The following MSRA variants were observed in gnomAD, a reference collection of about 807,000 sequenced individuals.
The protein encoded by MSRA is methionine sulfoxide reductase A.
MSRA carries 54 observed loss-of-function variants against 31.3 expected under a neutral mutation model. That is an observed-to-expected ratio of 1.73 (90% CI 1.39 to 2.17). MSRA has a LOEUF of 2.17. MSRA is among the 30% of genes most tolerant of loss of function. MSRA has a pLI of 0.00. For synonymous variants in MSRA, 169 were observed against 116.5 expected, an observed-to-expected ratio of 1.45 and a Z score of -2.90; for missense variants, 507 against 300.9, an observed-to-expected ratio of 1.69 and a Z score of -5.07.
intron 2 of MSRA, among the ~76,000 whole-genome samples, chr8:10,224,967 A>G (rs941181541): frequency 3.9e-4 from 60 of 152,144 alleles, no homozygotes; most frequent in African/African-American, 1.4e-3. Flanking sequence ...GGCAAAACCC[A>G]TCTCTACTAT....
chr8:10,399,090 C>G (rs1807282327), intron 5 of MSRA, among the ~76,000 whole-genome samples: 1 of 152,322 alleles, frequency 6.6e-6, no homozygotes, highest in Non-Finnish European at 1.5e-5. Context: ...ATGGAATTTT[C>G]CAAAGGCTGC....
intron 5 of MSRA, among the ~76,000 whole-genome samples, chr8:10,334,204 G>C (rs913539587): frequency 1.4e-5 from 2 of 144,522 alleles, no homozygotes; most frequent in African/African-American, 4.9e-5. Flanking sequence ...GTGTGTGTGT[G>C]TGTGTGTGTG....
At chr8:10,306,467 C>T (rs1188306275) in intron 4 of MSRA, among the ~76,000 whole-genome samples, 2 of 152,010 alleles carry the variant, frequency 1.3e-5, no homozygotes, top group African/African-American at 2.4e-5. Flanking sequence ...TATTTACCCT[C>T]CATCTACTAA....
At chr8:10,126,837 C>T (rs1015544735) in intron 1 of MSRA, among the ~76,000 whole-genome samples, 7 of 152,156 alleles carry the variant, frequency 4.6e-5, no homozygotes, top group Admixed American at 1.3e-4. Flanking sequence ...GGAGTGCACA[C>T]GTGCTTAGAT....
chr8:10,291,484 G>GGC (rs149044615), intron 3 of MSRA, among the ~76,000 whole-genome samples: 2,050 of 151,998 alleles, frequency 0.013, 49 homozygotes, highest in African/African-American at 0.046. Context: ...AACTCCACAG[G>GGC]GCATCCAATT....
intron 1 of MSRA, 131 bp downstream of exon 1, chr8:10,054,789 C>T (rs1208458862): frequency 1.6e-5 from 17 of 1,084,316 alleles, no homozygotes; most frequent in South Asian, 3.9e-5. Context: ...TGGGGGTCTG[C>T]GCAGGCGCGA....
intron 1 of MSRA, among the ~76,000 whole-genome samples, chr8:10,198,298 A>G (rs1348016676): frequency 6.9e-6 from 1 of 145,020 alleles, no homozygotes; most frequent in Non-Finnish European, 1.5e-5. Context: ...TCTTTACTTG[A>G]GGAGGATACT....
chr8:10,170,421 AG>A (rs1343765671), intron 1 of MSRA, among the ~76,000 whole-genome samples: 1 of 152,182 alleles, frequency 6.6e-6, no homozygotes, highest in Non-Finnish European at 1.5e-5. Flanking sequence ...ATTAGGAAGC[AG>A]GTCCTCAGCA....
intron 1 of MSRA, among the ~76,000 whole-genome samples, chr8:10,079,716 C>G (rs1265934206): frequency 6.6e-6 from 1 of 152,174 alleles, no homozygotes; most frequent in South Asian, 2.1e-4. Context: ...TCTTGGCTAT[C>G]CAGTCATGCC....
chr8:10,182,641 G>T (rs28405923), intron 1 of MSRA, among the ~76,000 whole-genome samples: 1 of 152,126 alleles, frequency 6.6e-6, no homozygotes, highest in African/African-American at 2.4e-5. Flanking sequence ...CAAGCATGCG[G>T]TGTGTGATCA....
At chr8:10,236,003 T>C (rs1811903176) in intron 2 of MSRA, among the ~76,000 whole-genome samples, 1 of 152,198 alleles carries the variant, frequency 6.6e-6, no homozygotes, top group African/African-American at 2.4e-5. Context: ...TGTAATATAC[T>C]ACCTTAAGAG....
intron 5 of MSRA, among the ~76,000 whole-genome samples, chr8:10,325,794 A>G (rs1802328867): frequency 6.6e-6 from 1 of 152,176 alleles, no homozygotes. Flanking sequence ...TCACTGAGGG[A>G]AGGAGAGCAG....
intron 1 of MSRA, among the ~76,000 whole-genome samples, chr8:10,190,922 A>G (rs934958478): frequency 2.8e-5 from 4 of 144,584 alleles, no homozygotes; most frequent in African/African-American, 7.3e-5. Flanking sequence ...GAGTGTAGTG[A>G]GACTAAGTTC....
intron 5 of MSRA, among the ~76,000 whole-genome samples, chr8:10,379,402 C>G (rs1053443819): frequency 6.6e-6 from 1 of 152,222 alleles, no homozygotes; most frequent in Middle Eastern, 3.2e-3. Flanking sequence ...GTTCTGAACC[C>G]GAGTCTTTTC....
intron 1 of MSRA, among the ~76,000 whole-genome samples, chr8:10,061,599 TCA>T (rs1217177852): frequency 2.0e-5 from 3 of 152,088 alleles, no homozygotes; most frequent in African/African-American, 7.2e-5. Context: ...CACCAAGAAC[TCA>T]CAGCACTTCA....
chr8:10,265,616 A>G (rs1798705977), intron 3 of MSRA, among the ~76,000 whole-genome samples: 1 of 152,160 alleles, frequency 6.6e-6, no homozygotes. Context: ...GCTGTAAGTG[A>G]TCTATATTAA....
intron 5 of MSRA, among the ~76,000 whole-genome samples, chr8:10,425,109 C>T (rs1281940777): frequency 6.6e-6 from 1 of 151,462 alleles, no homozygotes; most frequent in Non-Finnish European, 1.5e-5. Flanking sequence ...CACCTAGTCT[C>T]TTTTTTGTCC....
intron 1 of MSRA, among the ~76,000 whole-genome samples, chr8:10,133,203 GGGTT>G (rs1488083031): frequency 6.6e-6 from 1 of 152,192 alleles, no homozygotes; most frequent in Non-Finnish European, 1.5e-5. Flanking sequence ...GCTGGAGACA[GGGTT>G]GGTTGGGGAG....
In MSRA at chr8:10,157,436, A is replaced by G. The variant is rs138645366; in HGVS notation, c.143-50397A>G. Among the ~76,000 whole-genome samples, 663 of 152,276 alleles carry G rather than the reference A, an allele frequency of 4.4e-3. 5 individuals are homozygous for G. The highest frequency in any genetic ancestry group is 0.015 in the African/African-American group (619 of 41,538). The stretch of plus-strand genomic sequence containing the variant: ...AGTTAATTTGGGAAACTAAAATAGC[A>G]TGACATTTTCAAAGAATTTTTAAAA... On this transcript the variant is annotated intron_variant, in intron 1 of 5. Coordinates refer to ENST00000317173, the MANE Select transcript of MSRA (RefSeq NM_012331.5).
Sources: allele counts gnomAD v4.1 joint callset (sites outside exome capture counted in the v4.1 genomes callset), GRCh38; gene constraint gnomAD v4.1.1; transcripts MANE v1.5; gene names NCBI Gene and HGNC (gene_info 2026-07-23, HGNC 2026-07-21).